The following GRID2 variants were observed in gnomAD, a reference collection of about 807,000 sequenced individuals.
GRID2 encodes the protein glutamate ionotropic receptor delta type subunit 2, also known as glutamate receptor ionotropic, delta-2.
A neutral mutation model predicts 114.8 loss-of-function variants in GRID2; 33 were observed. The observed-to-expected ratio is 0.29, with a 90% CI of 0.22 to 0.38. The LOEUF is 0.38. Among genes scored for constraint, GRID2 ranks in the 10% least tolerant of loss-of-function variants. The probability of loss-of-function intolerance (pLI) is 1.00; values close to 1 mark genes in which losing one functional copy is unlikely to be tolerated. For synonymous variants in GRID2, 505 were observed against 449.9 expected (o/e 1.12, Z -1.55); for missense variants, 1,184 against 1,257.7 (o/e 0.94, Z 0.89).
intron 2 of GRID2, among the ~76,000 whole-genome samples, chr4:93,029,361 T>G (rs1308035515): frequency 6.6e-6 from 1 of 152,102 alleles, no homozygotes; most frequent in Non-Finnish European, 1.5e-5. Context: ...TTCACTAATA[T>G]TTGTTAATTT....
At chr4:93,333,046 A>T (rs1758665918) in intron 8 of GRID2, among the ~76,000 whole-genome samples, 1 of 152,168 alleles carries the variant, frequency 6.6e-6, no homozygotes, top group South Asian at 2.1e-4. Context: ...TAATAATGAT[A>T]ATGATCTGTT....
chr4:92,476,506 A>G (rs556458581), intron 1 of GRID2, among the ~76,000 whole-genome samples: 1 of 152,166 alleles, frequency 6.6e-6, no homozygotes, highest in Non-Finnish European at 1.5e-5. Context: ...TTAAAATTGA[A>G]TGATGGCATT....
At chr4:92,885,452 A>T (rs1269358860) in intron 2 of GRID2, among the ~76,000 whole-genome samples, 1 of 152,210 alleles carries the variant, frequency 6.6e-6, no homozygotes, top group Non-Finnish European at 1.5e-5. Context: ...ATTTGAAATT[A>T]ACTCAGCTCT....
intron 8 of GRID2, among the ~76,000 whole-genome samples, chr4:93,322,559 C>G (rs181658256): frequency 6.6e-6 from 1 of 152,220 alleles, no homozygotes; most frequent in African/African-American, 2.4e-5. Context: ...TGGGTATATA[C>G]CCAGTAATGG....
intron 14 of GRID2, among the ~76,000 whole-genome samples, chr4:93,688,182 G>A (rs915823262): frequency 2.0e-5 from 3 of 151,834 alleles, no homozygotes; most frequent in Non-Finnish European, 4.4e-5. Context: ...TGCTGTCTCA[G>A]AAAATAAAAA....
At chr4:93,202,985 AT>A (rs1192901032) in intron 4 of GRID2, among the ~76,000 whole-genome samples, 1 of 151,898 alleles carries the variant, frequency 6.6e-6, no homozygotes, top group East Asian at 1.9e-4. Flanking sequence ...GTGTGTGTGT[AT>A]GTGTGTGTAT....
chr4:93,135,886 A>G (rs540539806), intron 4 of GRID2, among the ~76,000 whole-genome samples: 1 of 152,318 alleles, frequency 6.6e-6, no homozygotes, highest in South Asian at 2.1e-4. Flanking sequence ...CAAAATACTT[A>G]TTATATGTGG....
chr4:93,250,511 C>T (rs1748756550), intron 8 of GRID2, among the ~76,000 whole-genome samples: 1 of 148,970 alleles, frequency 6.7e-6, no homozygotes, highest in South Asian at 2.1e-4. Context: ...AATAATTCTG[C>T]TATTGATTTG....
chr4:92,975,765 T>A (rs2149179267), intron 2 of GRID2, among the ~76,000 whole-genome samples: 1 of 152,252 alleles, frequency 6.6e-6, no homozygotes, highest in South Asian at 2.1e-4. Context: ...GGTTACAAAT[T>A]ATTATCAACA....
At chr4:93,659,196 A>G (rs1723272330) in intron 14 of GRID2, among the ~76,000 whole-genome samples, 1 of 152,188 alleles carries the variant, frequency 6.6e-6, no homozygotes, top group South Asian at 2.1e-4. Flanking sequence ...TGGAAGTAAA[A>G]GGGCCATATG....
At chr4:92,541,601 T>C (rs1331228286) in intron 1 of GRID2, among the ~76,000 whole-genome samples, 1 of 152,216 alleles carries the variant, frequency 6.6e-6, no homozygotes, top group African/African-American at 2.4e-5. Flanking sequence ...TACATGGGGA[T>C]ACATGATTTG....
chr4:93,320,247 T>C (rs1015130858), intron 8 of GRID2, among the ~76,000 whole-genome samples: 1 of 152,078 alleles, frequency 6.6e-6, no homozygotes, highest in African/African-American at 2.4e-5. Flanking sequence ...GCGATGATTA[T>C]TGGCATAAAA....
chr4:92,575,746 G>C (rs1041968052), intron 1 of GRID2, among the ~76,000 whole-genome samples: 1 of 152,144 alleles, frequency 6.6e-6, no homozygotes, highest in African/African-American at 2.4e-5. Flanking sequence ...CAACTCTTCA[G>C]CTCCCAATCC....
chr4:93,759,059 T>A (rs1436043057), intron 14 of GRID2, among the ~76,000 whole-genome samples: 1 of 152,116 alleles, frequency 6.6e-6, no homozygotes, highest in African/African-American at 2.4e-5. Flanking sequence ...TGATTATCTA[T>A]TCATTTGCCG....
chr4:93,584,128 G>C (rs1279657982), intron 13 of GRID2, among the ~76,000 whole-genome samples: 2 of 152,068 alleles, frequency 1.3e-5, no homozygotes, highest in African/African-American at 4.8e-5. Flanking sequence ...AATATATCTA[G>C]AAGTTCCTTG....
At chr4:92,387,074 T>C (rs997469113) in intron 1 of GRID2, among the ~76,000 whole-genome samples, 6 of 152,042 alleles carry the variant, frequency 3.9e-5, no homozygotes, top group African/African-American at 1.4e-4. Context: ...CTATTGATGG[T>C]CCGAAGCTGT....
intron 2 of GRID2, among the ~76,000 whole-genome samples, chr4:93,034,591 T>C (rs923310538): frequency 1.1e-4 from 16 of 152,184 alleles, no homozygotes; most frequent in Non-Finnish European, 1.8e-4. Context: ...TGCTTTCTTA[T>C]ATACTCACCA....
intron 2 of GRID2, among the ~76,000 whole-genome samples, chr4:92,745,725 G>C (rs1173147934): frequency 1.3e-5 from 2 of 152,010 alleles, no homozygotes; most frequent in Non-Finnish European, 2.9e-5. Context: ...GGTGTGTGGT[G>C]GTGGTGAGGT....
chr4:92,592,781 G>T (rs1728763810), intron 2 of GRID2, among the ~76,000 whole-genome samples: 1 of 151,690 alleles, frequency 6.6e-6, no homozygotes, highest in African/African-American at 2.4e-5. Context: ...ATATCAAGAA[G>T]GGTTTCAGTT....
Sources: allele counts gnomAD v4.1 joint callset (sites outside exome capture counted in the v4.1 genomes callset), GRCh38; gene constraint gnomAD v4.1.1; transcripts MANE v1.5; gene names NCBI Gene and HGNC (gene_info 2026-07-23, HGNC 2026-07-21).